Variants in PRKX observed in about 807,000 individuals in gnomAD.
PRKX encodes the protein cAMP-dependent protein kinase catalytic subunit PRKX.
PRKX carries 12 observed loss-of-function variants against 22.0 expected under a neutral mutation model. The observed-to-expected ratio is 0.54, with a 90% confidence interval of 0.35 to 0.88. The LOEUF is 0.88. Ranked by LOEUF, PRKX falls within the 40% of genes least tolerant of loss-of-function variation. The pLI is 0.01. For synonymous variants in PRKX, 134 were observed against 137.7 expected, an observed-to-expected ratio of 0.97 and a Z score of 0.19; for missense variants, 217 against 308.0, an observed-to-expected ratio of 0.70 and a Z score of 2.21.
rs187916303 is a variant in PRKX at position 3,638,266 on chromosome X, C to T, written c.719+3586G>A. Among the ~76,000 whole-genome samples the T allele has an allele frequency of 4.6e-3, 405 of 87,182 alleles. 4 individuals carry two copies. The highest frequency in any genetic ancestry group is 0.014 in the African/African-American group (374 of 26,449). The allele number at this position is 87,182 out of a possible 115,157, so 75.7% of individuals were successfully genotyped here. On this transcript the variant is annotated intron_variant, in intron 4 of 8. Transcript: ENST00000262848. Reference sequence around the variant, plus strand: ...TATTTTTATGTATTTTTAACTTCAGCGTACCCTGAGACTAATATTGTTTTA... The same window carrying T: ...TATTTTTATGTATTTTTAACTTCAGTGTACCCTGAGACTAATATTGTTTTA...
intron 1 of PRKX, among the ~76,000 whole-genome samples, chrX:3,708,590 C>G (rs1603474983): frequency 1.8e-5 from 2 of 110,327 alleles, no homozygotes; most frequent in Admixed American, 1.9e-4. Flanking sequence ...TCTGGCCAGG[C>G]ACGGTGGCTC....
At chrX:3,669,191 A>G (rs1293505038) in intron 2 of PRKX, among the ~76,000 whole-genome samples, 1 of 112,699 alleles carries the variant, frequency 8.9e-6, no homozygotes, top group Non-Finnish European at 1.9e-5. Context: ...GCTATCTATC[A>G]ATCAGCTATC....
At chrX:3,688,174 G>A (rs1456657932) in intron 1 of PRKX, among the ~76,000 whole-genome samples, 5 of 109,248 alleles carry the variant, frequency 4.6e-5, no homozygotes, top group South Asian at 8.1e-4. Flanking sequence ...AGCTGGGCGC[G>A]CTGGCTCACG....
chrX:3,643,339 C>T (rs749262137), intron 3 of PRKX, among the ~76,000 whole-genome samples: 2 of 111,725 alleles, frequency 1.8e-5, no homozygotes, highest in African/African-American at 6.5e-5. Context: ...ACTCTGCAAA[C>T]GGCGAGCGGC....
chrX:3,708,162 A>C (rs1928719761), intron 1 of PRKX, among the ~76,000 whole-genome samples: 1 of 111,104 alleles, frequency 9.0e-6, no homozygotes, highest in African/African-American at 3.3e-5. Flanking sequence ...TGCCCTTATA[A>C]AGGGGCCCCA....
At chrX:3,684,526 C>T (rs1393658203) in intron 1 of PRKX, among the ~76,000 whole-genome samples, 1 of 111,605 alleles carries the variant, frequency 9.0e-6, no homozygotes, top group African/African-American at 3.3e-5. Context: ...TACACTCTGA[C>T]CTCGGTTCAT....
rs1445921952 is a variant in PRKX at position 3,637,273 on chromosome X, C to T, written c.719+4579G>A. 3.6e-5 allele frequency among the ~76,000 whole-genome samples: 4 copies of T among 111,477 alleles called. No homozygotes were observed. In the East Asian group the frequency reaches 1.1e-3, roughly 32 times the overall value. Reference sequence around the variant, plus strand: ...GCTGTTGTCTAAGAGGGGTGGACAACCCACAGGCAGACCGTCTCAGAACCT... The same window carrying T: ...GCTGTTGTCTAAGAGGGGTGGACAATCCACAGGCAGACCGTCTCAGAACCT... On this transcript the variant is annotated intron_variant, in intron 4 of 8. Transcript: ENST00000262848.
rs55824944 is a variant in PRKX at position 3,606,134 on chromosome X, G to A, written c.*2835C>T. 2.7e-5 allele frequency: 3 copies of A among 111,959 alleles called. No homozygotes were observed. In the Admixed American group the frequency reaches 2.8e-4, roughly 11 times the overall value. 9.2% of individuals were successfully genotyped at this position (111,959 alleles called of 1,213,427 possible). On this transcript the variant is annotated 3_prime_UTR_variant, in exon 9 of 9. Coordinates refer to ENST00000262848, the MANE Select transcript of PRKX (RefSeq NM_005044.5). The stretch of plus-strand genomic sequence containing the variant: ...GAGTATTCCAATTTAAGAAAATATT[G>A]CCAACTCGTAAAATTACATGAAGCA...
chrX:3,608,748 T>A lies in PRKX; in HGVS notation c.*221A>T. 1 of 112,140 alleles carries A rather than the reference T, an allele frequency of 8.9e-6. No individual in the cohort carries two copies. The highest frequency in any genetic ancestry group is 3.2e-5 in the African/African-American group (1 of 30,937). 9.2% of individuals were successfully genotyped at this position (112,140 alleles called of 1,213,427 possible). On this transcript the variant is annotated 3_prime_UTR_variant, in exon 9 of 9. Coordinates refer to ENST00000262848, the MANE Select transcript of PRKX (RefSeq NM_005044.5). Reference sequence around the variant, plus strand: ...GATAAAATCTACAACCAAACAATTTTCAAAACCTTCCTACAGTGTGGAATT... The same window carrying A: ...GATAAAATCTACAACCAAACAATTTACAAAACCTTCCTACAGTGTGGAATT...
chrX:3,693,939 CAAA>C (rs1230845031), intron 1 of PRKX, among the ~76,000 whole-genome samples: 2 of 33,086 alleles, frequency 6.0e-5, no homozygotes, highest in Admixed American at 3.7e-4. Context: ...GACTCCGTCT[CAAA>C]AAAAAAAAAA....
At chrX:3,696,778 G>A (rs991543297) in intron 1 of PRKX, among the ~76,000 whole-genome samples, 7 of 111,789 alleles carry the variant, frequency 6.3e-5, no homozygotes, top group African/African-American at 2.0e-4. Context: ...CCAGCTCTTC[G>A]GGAGGCCGAG....
At chrX:3,669,084 G>C (rs1482153040) in intron 2 of PRKX, among the ~76,000 whole-genome samples, 1 of 112,030 alleles carries the variant, frequency 8.9e-6, no homozygotes, top group African/African-American at 3.2e-5. Context: ...GCAGTGCTGA[G>C]GTTGAGAAAC....
chrX:3,693,391 C>T (rs967236449), intron 1 of PRKX, among the ~76,000 whole-genome samples: 5 of 111,210 alleles, frequency 4.5e-5, no homozygotes, highest in African/African-American at 1.3e-4. Context: ...AATTAGGCTG[C>T]AAGAGGGAGG....
intron 1 of PRKX, among the ~76,000 whole-genome samples, chrX:3,689,699 T>G (rs10871865): frequency 9.1e-6 from 1 of 110,289 alleles, no homozygotes; most frequent in Non-Finnish European, 1.9e-5. Context: ...ATGAATGGGC[T>G]GGGCGCGGTG....
In PRKX at chrX:3,656,140, G is replaced by A. The variant is rs141570943; in HGVS notation, c.336-728C>T. ...AGGCAGACGTTAGAATATGGATAGA[G>A]ATCAATGTTACAATATAGGTGAAGA... On this transcript the variant is annotated intron_variant, in intron 2 of 8. Transcript: ENST00000262848. Among the ~76,000 whole-genome samples, 64 of 112,136 alleles carry A rather than the reference G, an allele frequency of 5.7e-4. No homozygotes were observed. In the East Asian group the frequency reaches 0.017, roughly 29 times the overall value.
intron 3 of PRKX, 151 bp from the exon 4 acceptor site, chrX:3,642,122 G>C: frequency 1.4e-6 from 1 of 701,143 alleles, no homozygotes; most frequent in Admixed American, 3.8e-5. Flanking sequence ...TGTAAAGACA[G>C]TAACATTGTT....
At chrX:3,685,560 T>A (rs1270535230) in intron 1 of PRKX, among the ~76,000 whole-genome samples, 3 of 110,871 alleles carry the variant, frequency 2.7e-5, no homozygotes, top group Non-Finnish European at 5.7e-5. Context: ...AATGAATGCA[T>A]CTGTAAGCGT....
At chrX:3,689,740 G>T (rs1255122032) in intron 1 of PRKX, among the ~76,000 whole-genome samples, 4 of 112,013 alleles carry the variant, frequency 3.6e-5, no homozygotes, top group Non-Finnish European at 3.8e-5. Context: ...CACTTTGGGA[G>T]GCCAAGGCGG....
chrX:3,681,561 A>G (rs2146598881), intron 1 of PRKX, among the ~76,000 whole-genome samples: 1 of 108,984 alleles, frequency 9.2e-6, no homozygotes, highest in South Asian at 4.2e-4. Flanking sequence ...AGGCATGAGA[A>G]TGTCTTGAAC....
Sources: gnomAD v4.1 joint callset for allele counts (sites outside exome capture counted in the v4.1 genomes callset) on GRCh38, gnomAD v4.1.1 for gene constraint, MANE v1.5 for transcripts, NCBI Gene and HGNC (gene_info 2026-07-23, HGNC 2026-07-21) for gene names.